The following CIMIP2A variants were observed in gnomAD, a reference collection of about 807,000 sequenced individuals.
The protein encoded by CIMIP2A is ciliary microtubule inner protein 2A.
At chr9:137,252,843 C>T in the CIMIP2A span, 1 of 1,574,926 alleles carries the variant, frequency 6.3e-7, no homozygotes, top group African/African-American at 1.4e-5. Flanking sequence ...TTGCAGGCAC[C>T]TGGCAAGAGA....
chr9:137,252,030 G>A, the CIMIP2A span: 17 of 1,612,592 alleles, frequency 1.1e-5, no homozygotes, highest in Non-Finnish European at 1.4e-5. Context: ...GATCACAGCT[G>A]ACCTGGAAGT....
At chr9:137,251,931 G>T in the CIMIP2A span, 1 of 1,597,876 alleles carries the variant, frequency 6.3e-7, no homozygotes, top group Non-Finnish European at 8.5e-7. Flanking sequence ...CCCCCAAGCT[G>T]GTCTTTGGGG....
the CIMIP2A span, chr9:137,252,231 G>C: frequency 6.7e-7 from 1 of 1,503,320 alleles, no homozygotes; most frequent in African/African-American, 1.4e-5. Context: ...ACGGCCTGAG[G>C]GCCCCTCCAC....
chr9:137,252,142 G>T, the CIMIP2A span: 1 of 1,602,710 alleles, frequency 6.2e-7, no homozygotes, highest in Non-Finnish European at 8.5e-7. Flanking sequence ...CGAGGTGTGT[G>T]TCCCCTCCCT....
chr9:137,251,964 A>G, the CIMIP2A span: 3 of 1,601,184 alleles, frequency 1.9e-6, no homozygotes, highest in Non-Finnish European at 2.6e-6. Context: ...GGCCCGCTGA[A>G]AGGAGCCCAG....
chr9:137,252,105 T>C, the CIMIP2A span: 4 of 1,611,982 alleles, frequency 2.5e-6, no homozygotes, highest in African/African-American at 2.7e-5. Flanking sequence ...ACACCCCCAC[T>C]ACAGCATCGG....
chr9:137,254,802 G>A, the CIMIP2A span, among the ~76,000 whole-genome samples: 4 of 152,104 alleles, frequency 2.6e-5, no homozygotes, highest in African/African-American at 9.7e-5. Flanking sequence ...TGCCTGGGAG[G>A]GCGGCCGTCG....
At chr9:137,248,041 C>G in the CIMIP2A span, among the ~76,000 whole-genome samples, 12 of 152,336 alleles carry the variant, frequency 7.9e-5, no homozygotes, top group East Asian at 1.9e-3. Context: ...GCCCCAGTCT[C>G]AGGGTGAGGC....
chr9:137,244,791 C>T, the CIMIP2A span: 82 of 1,594,086 alleles, frequency 5.1e-5, no homozygotes, highest in Non-Finnish European at 6.3e-5. Context: ...TTCCCCTGGG[C>T]ACACCCACCT....
chr9:137,250,981 A>C, the CIMIP2A span: 2 of 393,242 alleles, frequency 5.1e-6, no homozygotes, highest in East Asian at 1.2e-4. Flanking sequence ...GTCCTCCCAG[A>C]CCTGCTAGAG....
chr9:137,247,900 G>A, the CIMIP2A span: 1 of 613,566 alleles, frequency 1.6e-6, no homozygotes. Context: ...GGCCCAGACA[G>A]GTGCCAGGCA....
At chr9:137,248,948 T>C in the CIMIP2A span, among the ~76,000 whole-genome samples, 2 of 151,398 alleles carry the variant, frequency 1.3e-5, no homozygotes, top group Admixed American at 1.3e-4. Flanking sequence ...ACAAATCTGG[T>C]ATCAGCATAA....
chr9:137,244,833 G>C, the CIMIP2A span: 1 of 1,570,080 alleles, frequency 6.4e-7, no homozygotes, highest in Non-Finnish European at 8.6e-7. Flanking sequence ...GCCAGGCAAG[G>C]CTCCCTTTCG....
chr9:137,248,541 TCAA>T, the CIMIP2A span, among the ~76,000 whole-genome samples: 5 of 34,384 alleles, frequency 1.5e-4, no homozygotes, highest in Non-Finnish European at 2.8e-4. Context: ...AGACTCTGTC[TCAA>T]AAAAAAAAAA....
At chr9:137,251,325 A>G in the CIMIP2A span, 1 of 1,613,800 alleles carries the variant, frequency 6.2e-7, no homozygotes, top group Non-Finnish European at 8.5e-7. Context: ...AATTCCTGGC[A>G]AATTTTTACA....
chr9:137,243,837 AG>A, the CIMIP2A span: 1 of 1,581,574 alleles, frequency 6.3e-7, no homozygotes, highest in Middle Eastern at 1.7e-4. Context: ...GCCCAGGACC[AG>A]CATGGGCTGG....
the CIMIP2A span, chr9:137,253,151 A>T: frequency 1.9e-6 from 3 of 1,597,316 alleles, no homozygotes; most frequent in Middle Eastern, 3.3e-4. Context: ...CACGTGGAGG[A>T]CTGCAACTCA....
chr9:137,244,892 G>C, the CIMIP2A span: 84 of 1,577,044 alleles, frequency 5.3e-5, no homozygotes, highest in Admixed American at 7.3e-5. Flanking sequence ...GGAACAGGCA[G>C]GCAAGGCACC....
chr9:137,245,287 C>G, the CIMIP2A span: 17 of 1,579,550 alleles, frequency 1.1e-5, no homozygotes, highest in Non-Finnish European at 1.5e-5. Flanking sequence ...GGGCTTGGCA[C>G]TGGTGCATCC....
Sources: allele counts gnomAD v4.1 joint callset (sites outside exome capture counted in the v4.1 genomes callset), GRCh38; gene constraint gnomAD v4.1.1; transcripts MANE v1.5; gene names NCBI Gene and HGNC (gene_info 2026-07-23, HGNC 2026-07-21).